Variants in CA5A observed in about 807,000 individuals in gnomAD.
CA5A encodes the protein carbonic anhydrase 5A, mitochondrial.
CA5A carries 28 observed loss-of-function variants against 37.1 expected under a neutral mutation model. The observed-to-expected ratio is 0.75, with a 90% confidence interval of 0.56 to 1.03. CA5A has a LOEUF of 1.03. Ranked by LOEUF, CA5A falls within the 50% of genes least tolerant of loss-of-function variation. The pLI is 0.00. For missense variants in CA5A, 444 were observed against 399.9 expected, an observed-to-expected ratio of 1.11 and a Z score of -0.94; for synonymous variants, 171 against 158.4, an observed-to-expected ratio of 1.08 and a Z score of -0.60.
intron 2 of CA5A, among the ~76,000 whole-genome samples, chr16:87,906,294 G>A (rs948928082): frequency 6.6e-6 from 1 of 151,970 alleles, no homozygotes; most frequent in African/African-American, 2.4e-5. Context: ...GAATGCCTTG[G>A]GGAGCTTGAC....
intron 2 of CA5A, among the ~76,000 whole-genome samples, chr16:87,907,992 C>G (rs1370423640): frequency 1.3e-5 from 2 of 152,210 alleles, no homozygotes; most frequent in African/African-American, 4.8e-5. Flanking sequence ...ATCAACAGGA[C>G]TTAGTGCAGG....
At chr16:87,916,080 A>G (rs2056137730) in intron 2 of CA5A, among the ~76,000 whole-genome samples, 1 of 150,412 alleles carries the variant, frequency 6.6e-6, no homozygotes, top group Non-Finnish European at 1.5e-5. Flanking sequence ...CGGCAGGAGA[A>G]TGGCGTGAAC....
chr16:87,904,054 G>A (rs1428019104), intron 3 of CA5A, among the ~76,000 whole-genome samples: 4 of 152,086 alleles, frequency 2.6e-5, no homozygotes, highest in East Asian at 1.9e-4. Flanking sequence ...GCTTTAAGAT[G>A]ATCTTAGCCG....
intron 6 of CA5A, among the ~76,000 whole-genome samples, chr16:87,888,599 G>T (rs2055671115): frequency 6.6e-6 from 1 of 152,174 alleles, no homozygotes; most frequent in Non-Finnish European, 1.5e-5. Context: ...CTACTCGAGA[G>T]GGCCAACCTT....
At chr16:87,931,879 T>C in intron 1 of CA5A, among the ~76,000 whole-genome samples, 1 of 151,462 alleles carries the variant, frequency 6.6e-6, no homozygotes, top group East Asian at 2.0e-4. Context: ...GTGTCCTTTG[T>C]CCCAGCATCT....
intron 5 of CA5A, among the ~76,000 whole-genome samples, chr16:87,900,725 G>C (rs754722636): frequency 5.3e-5 from 8 of 152,256 alleles, no homozygotes; most frequent in African/African-American, 9.6e-5. Flanking sequence ...CTGCGGTTTG[G>C]GCAGGTTTCT....
intron 3 of CA5A, among the ~76,000 whole-genome samples, chr16:87,904,502 C>T (rs1046685444): frequency 1.3e-5 from 2 of 152,250 alleles, no homozygotes; most frequent in African/African-American, 4.8e-5. Context: ...AGAGCTCAAG[C>T]TCTGACTTTG....
At chr16:87,917,691 A>C (rs376092472) in intron 2 of CA5A, among the ~76,000 whole-genome samples, 1 of 148,546 alleles carries the variant, frequency 6.7e-6, no homozygotes, top group Non-Finnish European at 1.5e-5. Context: ...TGCACAATGC[A>C]CACCCGCACA....
chr16:87,929,061 G>T (rs1331530439), intron 1 of CA5A, among the ~76,000 whole-genome samples: 3 of 148,748 alleles, frequency 2.0e-5, no homozygotes, highest in South Asian at 2.2e-4. Flanking sequence ...GAGCCACCGC[G>T]CCCAGCCTTG....
At chr16:87,919,527 C>A (rs1231887002) in intron 2 of CA5A, among the ~76,000 whole-genome samples, 1 of 152,170 alleles carries the variant, frequency 6.6e-6, no homozygotes, top group Admixed American at 6.5e-5. Context: ...CGTGAGTGTC[C>A]CCTGGGGAAA....
At chr16:87,928,455 AG>A (rs2056345591) in intron 1 of CA5A, among the ~76,000 whole-genome samples, 1 of 152,230 alleles carries the variant, frequency 6.6e-6, no homozygotes, top group South Asian at 2.1e-4. Context: ...TGCTGAGATT[AG>A]AAGTGTGTAC....
chr16:87,883,071 G>A (rs1291769721), downstream of CA5A: 1 of 152,344 alleles, frequency 6.6e-6, no homozygotes, highest in Non-Finnish European at 1.5e-5. Context: ...CCAGGCTGGA[G>A]TGCGGTGGCC....
At chr16:87,931,573 G>A (rs1421269279) in intron 1 of CA5A, among the ~76,000 whole-genome samples, 1 of 152,204 alleles carries the variant, frequency 6.6e-6, no homozygotes, top group South Asian at 2.1e-4. Context: ...AGGAGAATAA[G>A]GGAGTAGAAT....
chr16:87,906,931 G>A (rs2055969579), intron 2 of CA5A, among the ~76,000 whole-genome samples: 2 of 152,082 alleles, frequency 1.3e-5, no homozygotes, highest in South Asian at 4.2e-4. Context: ...AAATCACTTT[G>A]TTAGGCCAGG....
intron 5 of CA5A, among the ~76,000 whole-genome samples, chr16:87,894,475 G>T (rs1260337341): frequency 7.9e-5 from 12 of 152,142 alleles, no homozygotes; most frequent in African/African-American, 2.4e-4. Flanking sequence ...CAAGAGAGGT[G>T]GCTGAGCTAC....
At chr16:87,897,336 A>G (rs2055819191) in intron 5 of CA5A, among the ~76,000 whole-genome samples, 1 of 152,250 alleles carries the variant, frequency 6.6e-6, no homozygotes, top group African/African-American at 2.4e-5. Context: ...CTCTGTGGGC[A>G]GTTTTTGCCA....
In CA5A at chr16:87,915,526, ATTT is replaced by A. The variant is rs59358304; in HGVS notation, c.341-10625_341-10623del. ...CAACAGTACCAGATCCTGTGTCAAA[ATTT>A]TTTTTTTTTTTTTTTTTTTTTTTGT... On this transcript the variant is annotated intron_variant, in intron 2 of 6. Transcript: ENST00000649794. Among the ~76,000 whole-genome samples, 70 of 73,010 alleles carry A rather than the reference ATTT, an allele frequency of 9.6e-4. 1 individual carries two copies. Among genetic ancestry groups the A allele is most frequent in the African/African-American group, 3.5e-3 (66 of 19,110 alleles). The allele number at this position is 73,010 out of a possible 152,430, so 47.9% of individuals were successfully genotyped here. A position where few individuals can be genotyped will look rare whatever the true frequency, so the allele number is the denominator to read the frequency against.
intron 5 of CA5A, among the ~76,000 whole-genome samples, chr16:87,894,221 C>T (rs575356927): frequency 3.9e-5 from 6 of 152,036 alleles, no homozygotes; most frequent in Admixed American, 2.0e-4. Context: ...TGGGCCTGGC[C>T]GCAACACAGC....
intron 5 of CA5A, among the ~76,000 whole-genome samples, chr16:87,899,713 A>C (rs1260540898): frequency 6.7e-6 from 1 of 150,076 alleles, no homozygotes; most frequent in Non-Finnish European, 1.5e-5. Flanking sequence ...TGAGGTCAGG[A>C]GTTTGACACC....
Sources: gnomAD v4.1 joint callset for allele counts (sites outside exome capture counted in the v4.1 genomes callset) on GRCh38, gnomAD v4.1.1 for gene constraint, MANE v1.5 for transcripts, NCBI Gene and HGNC (gene_info 2026-07-23, HGNC 2026-07-21) for gene names.